The following AMHR2 variants were observed in gnomAD, a reference collection of about 807,000 sequenced individuals.
AMHR2 encodes anti-Muellerian hormone type-2 receptor.
In AMHR2, 36 loss-of-function variants were observed where a neutral mutation model predicts 61.4. That is an observed-to-expected ratio of 0.59 (90% CI 0.45 to 0.77). AMHR2 has a LOEUF of 0.77. AMHR2 is among the 30% of genes least tolerant of loss of function. AMHR2 has a pLI of 0.00. For missense variants in AMHR2, 638 were observed against 714.6 expected, an observed-to-expected ratio of 0.89 and a Z score of 1.22; for synonymous variants, 258 against 279.4, an observed-to-expected ratio of 0.92 and a Z score of 0.76.
intron 1 of AMHR2, 27 bp from the exon 2 acceptor site, chr12:53,424,261 T>G: frequency 6.2e-7 from 1 of 1,612,122 alleles, no homozygotes; most frequent in African/African-American, 1.3e-5. Flanking sequence ...ACCTTGAATC[T>G]TTTCCTTTCC....
chr12:53,431,242 A>C lies in AMHR2; in HGVS notation c.1491A>C (p.Thr497=). Reference sequence around the variant, plus strand: ...ATGCAGACCCAGAAGCACGGCTGACAGCTGAGTGTGTACAGCAGCGCCTGG... The same window carrying C: ...ATGCAGACCCAGAAGCACGGCTGACCGCTGAGTGTGTACAGCAGCGCCTGG... ...CWDADPEARL[T]AECVQQRLAA... The change falls in exon 11 of 11, where the codon ACA becomes ACC. Residue 497 remains threonine (T), a synonymous_variant. Transcript: ENST00000257863. 1 of 1,614,250 alleles carries C rather than the reference A, an allele frequency of 6.2e-7. No homozygotes were observed. Among genetic ancestry groups the C allele is most frequent in the Non-Finnish European group, 8.5e-7 (1 of 1,180,052 alleles).
Position 53,429,095 on chromosome 12 carries a change from C to T in AMHR2, c.967+85C>T, listed in dbSNP as rs571465737. On this transcript the variant is annotated intron_variant, in intron 7 of 10. Coordinates refer to ENST00000257863, the MANE Select transcript of AMHR2 (RefSeq NM_020547.3). ...TTAGTTTGGAGGGGAAAGATTGGGTCAAAAGAGGGAGGAAGAGCCGGGCAC... is the reference window on the plus strand; with the variant it reads ...TTAGTTTGGAGGGGAAAGATTGGGTTAAAAGAGGGAGGAAGAGCCGGGCAC... 7.8e-5 allele frequency: 101 copies of T among 1,292,912 alleles called. No individual in the cohort carries two copies. The South Asian group carries it at 8.9e-4, about 11-fold the overall frequency. The allele number at this position is 1,292,912 out of a possible 1,614,324, so 80.1% of individuals were successfully genotyped here. A position where few individuals can be genotyped will look rare whatever the true frequency, so the allele number is the denominator to read the frequency against.
rs751759790 is a variant in AMHR2, at chr12:53,430,262, A to T, written c.1405A>T (p.Thr469Ser). ...QERRRPYIPSTWRCFATDPDG... is the reference protein window; with the variant it reads ...QERRRPYIPSSWRCFATDPDG... ...GAGGAGGCGTCCCTACATCCCATCC[A>T]CCTGGCGCTGCTTTGCCACAGTAAG... Residue 469 changes from threonine (T) to serine (S), a missense_variant, in exon 10 of 11, where the codon ACC becomes TCC. Physicochemically the swap from Thr to Ser is moderately conservative, Grantham distance 58. Coordinates refer to ENST00000257863, the MANE Select transcript of AMHR2 (RefSeq NM_020547.3). 3.7e-6 allele frequency: 6 copies of T among 1,613,940 alleles called. No homozygotes were observed. The highest frequency in any genetic ancestry group is 1.6e-4 in the Middle Eastern group (1 of 6,062).
intron 6 of AMHR2, among the ~76,000 whole-genome samples, chr12:53,427,660 C>T (rs1322022910): frequency 1.3e-5 from 2 of 152,218 alleles, no homozygotes; most frequent in Non-Finnish European, 2.9e-5. Flanking sequence ...GCCTCGGCCT[C>T]CCAAAGTGCT....
At chr12:53,424,191 G>C in intron 1 of AMHR2, 97 bp from the exon 2 acceptor site, 1 of 1,513,942 alleles carries the variant, frequency 6.6e-7, no homozygotes, top group Non-Finnish European at 9.2e-7. Context: ...ACTGACGCTG[G>C]GATGTGGAAC....
Position 53,431,398 on chromosome 12 carries a change from T to A in AMHR2, c.1647T>A (p.Ser549Arg), listed in dbSNP as rs186932722. The A allele has an allele frequency of 1.5e-5, 25 of 1,614,182 alleles. No homozygotes were observed. The East Asian group carries it at 5.1e-4, about 33-fold the overall frequency. Residue 549 changes from serine (S) to arginine (R), a missense_variant, in exon 11 of 11, where the codon AGT (serine) becomes AGA (arginine). Physicochemically the swap from Ser to Arg is moderately radical, Grantham distance 110. Transcript: ENST00000257863. ...TCCTCCCCTGTAGGCCTCAGCGGAG[T>A]GCCTGCCACTTCAGCGTTCAGCAAG... ...PTILPCRPQRSACHFSVQQGP... is the reference protein window; with the variant it reads ...PTILPCRPQRRACHFSVQQGP...
In AMHR2 at chr12:53,431,565, T is replaced by C. The variant is rs1592611311; in HGVS notation, c.*92T>C. On this transcript the variant is annotated 3_prime_UTR_variant, in exon 11 of 11. Transcript: ENST00000257863. ...CTGCCTCATCACTGCATTTCCCACCTGCCGAATCCTTGGATTCTTCTGCGG... is the reference window on the plus strand; with the variant it reads ...CTGCCTCATCACTGCATTTCCCACCCGCCGAATCCTTGGATTCTTCTGCGG... 4.6e-6 allele frequency: 7 copies of C among 1,531,594 alleles called. No individual in the cohort carries two copies. The East Asian group carries it at 1.6e-4, about 34-fold the overall frequency. 94.9% of individuals were successfully genotyped at this position (1,531,594 alleles called of 1,614,324 possible). A position where few individuals can be genotyped will look rare whatever the true frequency, so the allele number is the denominator to read the frequency against.
intron 7 of AMHR2, among the ~76,000 whole-genome samples, 159 bp from the exon 8 acceptor site, chr12:53,429,294 A>T (rs1282045985): frequency 6.6e-6 from 1 of 151,736 alleles, no homozygotes; most frequent in East Asian, 1.9e-4. Context: ...CGGGAGGCTG[A>T]GGCAGGAGAA....
In AMHR2 at chr12:53,429,816, T is replaced by A. The variant is rs1156758379; in HGVS notation, c.1141-15T>A. Reference sequence around the variant, plus strand: ...CACAGAGATGATTCTTGGCCCTTCGTGCCTTGCTCTCCAGGCTGGCACCCA... The same window carrying A: ...CACAGAGATGATTCTTGGCCCTTCGAGCCTTGCTCTCCAGGCTGGCACCCA... On this transcript the variant is annotated splice_polypyrimidine_tract_variant and intron_variant, in intron 8 of 10. Transcript: ENST00000257863. 28 of 1,614,046 alleles carry A rather than the reference T, an allele frequency of 1.7e-5. No homozygotes were observed. The highest frequency in any genetic ancestry group is 2.2e-5 in the Non-Finnish European group (26 of 1,180,022).
rs558842297 is a variant in AMHR2, at chr12:53,429,114, C to T, written c.967+104C>T. On this transcript the variant is annotated intron_variant, in intron 7 of 10. Transcript: ENST00000257863. Reference sequence around the variant, plus strand: ...TTGGGTCAAAAGAGGGAGGAAGAGCCGGGCACGGTGGCTCACGCCTATAAT... The same window carrying T: ...TTGGGTCAAAAGAGGGAGGAAGAGCTGGGCACGGTGGCTCACGCCTATAAT... 3.4e-4 allele frequency: 382 copies of T among 1,110,074 alleles called. 5 individuals are homozygous for T. Among genetic ancestry groups the T allele is most frequent in the South Asian group, 2.4e-3 (178 of 75,218 alleles). The allele number at this position is 1,110,074 out of a possible 1,614,324, so 68.8% of individuals were successfully genotyped here.
At chr12:53,424,037 G>T in intron 1 of AMHR2, 54 bp downstream of exon 1, 1 of 1,604,754 alleles carries the variant, frequency 6.2e-7, no homozygotes, top group South Asian at 1.1e-5. Context: ...CAAGGGAAAG[G>T]GGCGCTTGAA....
At chr12:53,430,431 C>A in intron 10 of AMHR2, 149 bp downstream of exon 10, 1 of 1,218,520 alleles carries the variant, frequency 8.2e-7, no homozygotes, top group East Asian at 2.5e-5. Context: ...ACTGGGCAAG[C>A]CTCCTCTCCC....
At chr12:53,430,628 C>G in intron 10 of AMHR2, 1 of 439,168 alleles carries the variant, frequency 2.3e-6, no homozygotes, top group Non-Finnish European at 4.3e-6. Flanking sequence ...TCTGCCCCAT[C>G]TGCTCTCCTA....
chr12:53,424,918 C>CT lies in AMHR2; in HGVS notation c.424+19dup, dbSNP rs1939416869. The CT allele has an allele frequency of 6.2e-7, 1 of 1,606,514 alleles. No homozygotes were observed. Among genetic ancestry groups the CT allele is most frequent in the Non-Finnish European group, 8.5e-7 (1 of 1,178,984 alleles). ...TGCCCCAGGTAGCCACCCAAGGGTA[C>CT]TGAAGCCTGATGGGGGCTGGGGCCC... On this transcript the variant is annotated intron_variant, in intron 3 of 10. Coordinates refer to ENST00000257863, the MANE Select transcript of AMHR2 (RefSeq NM_020547.3).
chr12:53,425,007 C>G, intron 3 of AMHR2, 107 bp downstream of exon 3: 1 of 1,559,406 alleles, frequency 6.4e-7, no homozygotes, highest in Non-Finnish European at 8.7e-7. Context: ...CGCTTTCCTC[C>G]TCCTGGCCTT....
Position 53,428,944 on chromosome 12 carries a change from T to A in AMHR2, c.901T>A (p.Ser301Thr). 1 of 1,551,684 alleles carries A rather than the reference T, an allele frequency of 6.4e-7. No individual in the cohort carries two copies. Among genetic ancestry groups the A allele is most frequent in the African/African-American group, 1.4e-5 (1 of 73,148 alleles). The change falls in exon 7 of 11, where the codon TCC becomes ACC. Residue 301 changes from serine to threonine, a missense_variant. Physicochemically the swap from Ser to Thr is moderately conservative, Grantham distance 58. Coordinates refer to ENST00000257863, the MANE Select transcript of AMHR2 (RefSeq NM_020547.3). The part of the protein sequence containing the change: ...LTQYTSDWGS[S>T]LRMALSLAQG... ...CCAGTACACCAGTGACTGGGGAAGT[T>A]CCCTGCGGATGGCACTGTCCCTGGC... is the stretch of plus-strand genomic sequence containing the variant.
At chr12:53,429,064 T>A in intron 7 of AMHR2, 54 bp downstream of exon 7, 1 of 1,449,034 alleles carries the variant, frequency 6.9e-7, no homozygotes. Context: ...TGTTTGTGAT[T>A]CTGCCTTAGT....
At position 53,431,585 on chromosome 12, in the gene AMHR2, C is replaced by A; in HGVS notation, c.*112C>A. On this transcript the variant is annotated 3_prime_UTR_variant, in exon 11 of 11. Transcript: ENST00000257863. ...CCACCTGCCGAATCCTTGGATTCTTCTGCGGGCATCCAGTCCACATCAGTT... is the reference window on the plus strand; with the variant it reads ...CCACCTGCCGAATCCTTGGATTCTTATGCGGGCATCCAGTCCACATCAGTT... 7.3e-7 allele frequency: 1 copy of A among 1,372,462 alleles called. No homozygotes were observed. 85.0% of individuals were successfully genotyped at this position (1,372,462 alleles called of 1,614,324 possible).
In AMHR2 at chr12:53,431,592, C is replaced by T; in HGVS notation, c.*119C>T. ...CCGAATCCTTGGATTCTTCTGCGGG[C>T]ATCCAGTCCACATCAGTTCTGACCA... On this transcript the variant is annotated 3_prime_UTR_variant, in exon 11 of 11. Transcript: ENST00000257863. 1 of 1,299,104 alleles carries T rather than the reference C, an allele frequency of 7.7e-7. No homozygotes were observed. Among genetic ancestry groups the T allele is most frequent in the East Asian group, 2.4e-5 (1 of 42,320 alleles). The allele number at this position is 1,299,104 out of a possible 1,614,324, so 80.5% of individuals were successfully genotyped here.
Sources: allele counts gnomAD v4.1 joint callset (sites outside exome capture counted in the v4.1 genomes callset), GRCh38; gene constraint gnomAD v4.1.1; transcripts MANE v1.5; gene names NCBI Gene and HGNC (gene_info 2026-07-23, HGNC 2026-07-21).